Variants in NLRP9 observed in about 807,000 individuals in gnomAD.
The protein encoded by NLRP9 is NACHT, LRR and PYD domains-containing protein 9.
A neutral mutation model predicts 83.1 loss-of-function variants in NLRP9; 88 were observed. The observed-to-expected ratio is 1.06, with a 90% CI of 0.89 to 1.26. The LOEUF (loss-of-function observed/expected upper bound fraction) is 1.26, where lower values mean the gene tolerates loss of function less well. Among genes scored for constraint, NLRP9 ranks in the 50% most tolerant of loss-of-function variants. The pLI, the probability that NLRP9 is intolerant of heterozygous loss-of-function variation, is 0.00. For missense variants in NLRP9, 1,308 were observed against 1,179.3 expected (o/e 1.11, Z -1.60); for synonymous variants, 521 against 447.6 (o/e 1.16, Z -2.07).
In NLRP9 at chr19:55,738,229, T is replaced by G; in HGVS notation, c.146A>C (p.Lys49Thr). The change falls in exon 1 of 9, where the codon AAG becomes ACG. Residue 49 changes from lysine (K) to threonine (T), a missense_variant. By Grantham distance (78) the Lys-to-Thr change is moderately conservative. Transcript: ENST00000332836. ...LKPIPWAELK[K>T]ASKEDVAKLL... Reference sequence around the variant, plus strand: ...CTTTGCTACATCTTCTTTGGAGGCCTTCTTCAGCTCAGCCCAGGGGATTGG... The same window carrying G: ...CTTTGCTACATCTTCTTTGGAGGCCGTCTTCAGCTCAGCCCAGGGGATTGG... 6.2e-7 allele frequency: 1 copy of G among 1,614,194 alleles called. No homozygotes were observed.
chr19:55,714,377 G>C (rs924600879), intron 6 of NLRP9, among the ~76,000 whole-genome samples: 9 of 151,790 alleles, frequency 5.9e-5, no homozygotes, highest in African/African-American at 1.2e-4. Flanking sequence ...TGGCCATCTC[G>C]ATTCTTTAAG....
chr19:55,726,589 A>G (rs1216511309), intron 3 of NLRP9, among the ~76,000 whole-genome samples: 1 of 152,160 alleles, frequency 6.6e-6, no homozygotes, highest in South Asian at 2.1e-4. Flanking sequence ...GCCTCTACTG[A>G]TGCCACTCTG....
intron 3 of NLRP9, among the ~76,000 whole-genome samples, chr19:55,727,824 G>A (rs541993456): frequency 5.3e-5 from 8 of 152,270 alleles, no homozygotes; most frequent in African/African-American, 1.7e-4. Context: ...GAAACACTGT[G>A]CTCCCCAAGA....
At chr19:55,713,937 C>CA (rs1987908865) in intron 6 of NLRP9, among the ~76,000 whole-genome samples, 1 of 123,256 alleles carries the variant, frequency 8.1e-6, no homozygotes, top group Non-Finnish European at 1.7e-5. Context: ...AGCTGCTCAA[C>CA]ACCCTAGGAA....
chr19:55,719,603 T>C (rs1178700448), intron 4 of NLRP9, among the ~76,000 whole-genome samples: 4 of 152,256 alleles, frequency 2.6e-5, no homozygotes, highest in Admixed American at 2.6e-4. Flanking sequence ...ATTGCATGCC[T>C]GTATCTAATT....
intron 6 of NLRP9, among the ~76,000 whole-genome samples, chr19:55,714,711 G>A (rs955281730): frequency 1.3e-5 from 2 of 152,138 alleles, no homozygotes; most frequent in African/African-American, 4.8e-5. Context: ...CAGTTCTGGA[G>A]CCGGGAAGTC....
chr19:55,721,307 C>T (rs1234633927), intron 4 of NLRP9, among the ~76,000 whole-genome samples: 1 of 152,100 alleles, frequency 6.6e-6, no homozygotes, highest in Non-Finnish European at 1.5e-5. Flanking sequence ...AAGTAAACAA[C>T]AATGACAAAG....
At chr19:55,711,577 G>A in intron 8 of NLRP9, 3 of 966,306 alleles carry the variant, frequency 3.1e-6, no homozygotes, top group Non-Finnish European at 4.7e-6. Flanking sequence ...TCACAACTGA[G>A]GGAAGTGCTA....
intron 2 of NLRP9, 118 bp from the exon 3 acceptor site, chr19:55,730,110 C>A (rs1354735322): frequency 2.3e-6 from 2 of 884,472 alleles, no homozygotes; most frequent in South Asian, 1.7e-5. Flanking sequence ...CAGGCCTGAA[C>A]AGGGAGAAGG....
Position 55,732,563 on chromosome 19 carries a change from G to A in NLRP9, c.1268C>T (p.Ser423Phe), listed in dbSNP as rs200860823. 3.2e-5 allele frequency: 51 copies of A among 1,614,054 alleles called. No individual in the cohort carries two copies. Among genetic ancestry groups the A allele is most frequent in the African/African-American group, 5.3e-5 (4 of 74,916 alleles). ...GDLRRNGLSE[S>F]EGVMWVGMRL... is the part of the protein sequence containing the mutation. ...CATACCCACCCACATCACGCCCTCA[G>A]ACTCAGATAACCCATTCCTCCGGAG... is the stretch of plus-strand genomic sequence containing the variant. Residue 423 changes from serine (S) to phenylalanine (F), a missense_variant, in exon 2 of 9, where the codon TCT (serine) becomes TTT (phenylalanine). By Grantham distance (155) the Ser-to-Phe change is radical. Coordinates refer to ENST00000332836, the MANE Select transcript of NLRP9 (RefSeq NM_176820.4).
Position 55,732,288 on chromosome 19 carries a change from G to A in NLRP9, c.1543C>T (p.Leu515=). The A allele has an allele frequency of 6.2e-7, 1 of 1,614,170 alleles. No homozygotes were observed. The highest frequency in any genetic ancestry group is 8.5e-7 in the Non-Finnish European group (1 of 1,180,014). The change falls in exon 2 of 9, where the codon CTG becomes TTG. Residue 515 remains leucine (L), a synonymous_variant. Transcript: ENST00000332836. ...ATTTCCTGCTTTAGGTCTTTTGACAGTGGAAAACCAAAGGAGGTCTCCAGC... is the reference window on the plus strand; with the variant it reads ...ATTTCCTGCTTTAGGTCTTTTGACAATGGAAAACCAAAGGAGGTCTCCAGC... The part of the protein sequence containing the change: ...SMLETSFGFP[L]SKDLKQEITQ...
intron 1 of NLRP9, among the ~76,000 whole-genome samples, chr19:55,734,506 C>T (rs1019253682): frequency 7.5e-6 from 1 of 132,804 alleles, no homozygotes. Flanking sequence ...CAGCAAAGTA[C>T]ACATATATAT....
rs138159349 is a variant in NLRP9 at position 55,725,562 on chromosome 19, G to A, written c.1995-1418C>T. On this transcript the variant is annotated intron_variant, in intron 3 of 8. Coordinates refer to ENST00000332836, the MANE Select transcript of NLRP9 (RefSeq NM_176820.4). ...GAACAGCAGGCTGGAGGAACTGTGC[G>A]GACTGCGGGCGGAGTGATCCCCTAA... Among the ~76,000 whole-genome samples, 421 of 152,274 alleles carry A rather than the reference G, an allele frequency of 2.8e-3. 1 individual carries two copies. The highest frequency in any genetic ancestry group is 0.014 in the Middle Eastern group (4 of 294).
At chr19:55,712,259 G>A (rs1363744216) in intron 7 of NLRP9, among the ~76,000 whole-genome samples, 161 bp downstream of exon 7, 2 of 152,156 alleles carry the variant, frequency 1.3e-5, no homozygotes, top group African/African-American at 2.4e-5. Context: ...AACAGCAAGA[G>A]TACCAAGACT....
chr19:55,712,018 C>T (rs1204867455), intron 7 of NLRP9, 48 bp from the exon 8 acceptor site: 3 of 1,572,280 alleles, frequency 1.9e-6, no homozygotes, highest in African/African-American at 2.7e-5. Context: ...TTTGGGTAGG[C>T]TGGAAGGCAC....
At chr19:55,710,580 TGATAGAGTTCTCAC>T (rs1238306964) in intron 8 of NLRP9, among the ~76,000 whole-genome samples, 3 of 152,160 alleles carry the variant, frequency 2.0e-5, no homozygotes, top group African/African-American at 7.2e-5. Context: ...GCTGTTCTCA[TGATAGAGTTCTCAC>T]GAGATCTGGT....
At chr19:55,709,705 G>C (rs1402489217) in intron 8 of NLRP9, 2 of 152,076 alleles carry the variant, frequency 1.3e-5, no homozygotes, top group Non-Finnish European at 2.9e-5. Flanking sequence ...ACACTTTCTT[G>C]TTTATTTTTT....
intron 8 of NLRP9, among the ~76,000 whole-genome samples, chr19:55,710,934 A>G (rs1312728430): frequency 1.3e-5 from 2 of 151,948 alleles, no homozygotes; most frequent in African/African-American, 4.8e-5. Flanking sequence ...AAAAATAGAA[A>G]AATTAGCTGA....
intron 3 of NLRP9, among the ~76,000 whole-genome samples, chr19:55,728,889 T>C (rs2056181287): frequency 6.6e-6 from 1 of 152,096 alleles, no homozygotes; most frequent in Non-Finnish European, 1.5e-5. Flanking sequence ...TCAAGATAAG[T>C]AAAATATCAG....
Sources: allele counts gnomAD v4.1 joint callset (sites outside exome capture counted in the v4.1 genomes callset), GRCh38; gene constraint gnomAD v4.1.1; transcripts MANE v1.5; gene names NCBI Gene and HGNC (gene_info 2026-07-23, HGNC 2026-07-21).